CHID1: variants seen among roughly 807,000 people sequenced by gnomAD.
CHID1 encodes chitinase domain-containing protein 1.
Under a neutral mutation model 55.4 loss-of-function variants are expected in CHID1, and 44 were observed. The observed-to-expected ratio is 0.79, with a 90% confidence interval of 0.62 to 1.02. The LOEUF (loss-of-function observed/expected upper bound fraction) is 1.02, where lower values mean the gene tolerates loss of function less well. CHID1 is among the 50% of genes least tolerant of loss of function. CHID1 has a pLI of 0.00. For synonymous variants in CHID1, 216 were observed against 212.9 expected (o/e 1.01, Z -0.13); for missense variants, 491 against 515.3 (o/e 0.95, Z 0.46).
chr11:914,877 G>A, upstream of CHID1: 1 of 317,266 alleles, frequency 3.2e-6, no homozygotes, highest in Admixed American at 4.4e-5. Flanking sequence ...GTCAGCACAG[G>A]CAGGGCCCTT....
intron 8 of CHID1, among the ~76,000 whole-genome samples, chr11:885,705 G>A (rs1439491150): frequency 1.3e-5 from 2 of 152,086 alleles, no homozygotes; most frequent in East Asian, 3.9e-4. Flanking sequence ...CCTCCACCCA[G>A]GTCCTCTCAC....
intron 10 of CHID1, chr11:874,846 T>A (rs1408605918): frequency 1.3e-5 from 2 of 152,210 alleles, no homozygotes; most frequent in African/African-American, 2.4e-5. Flanking sequence ...TGAGCCACCA[T>A]TAGAAAACGA....
chr11:903,351 C>T (rs905752630), intron 2 of CHID1, among the ~76,000 whole-genome samples: 3 of 152,220 alleles, frequency 2.0e-5, no homozygotes, highest in Non-Finnish European at 2.9e-5. Context: ...ACCCTTGCTC[C>T]GGGCTGGAAG....
Position 904,699 on chromosome 11 carries a change from C to A in CHID1, c.111+7G>T. Reference sequence around the variant, plus strand: ...ACAGTCACCTCAAGTCCCCAGGCCACCCTTACCTTCTCCAGCAGCGTCTTT... The same window carrying A: ...ACAGTCACCTCAAGTCCCCAGGCCAACCTTACCTTCTCCAGCAGCGTCTTT... On this transcript the variant is annotated splice_region_variant and intron_variant, in intron 2 of 12. Coordinates refer to ENST00000323578, the MANE Select transcript of CHID1 (RefSeq NM_023947.4). 1.9e-6 allele frequency: 3 copies of A among 1,614,082 alleles called. No individual in the cohort carries two copies. Among genetic ancestry groups the A allele is most frequent in the Non-Finnish European group, 2.5e-6 (3 of 1,179,996 alleles).
intron 7 of CHID1, among the ~76,000 whole-genome samples, chr11:894,124 A>C (rs1279364774): frequency 1.5e-4 from 2 of 13,496 alleles, no homozygotes; most frequent in Admixed American, 4.3e-3. Flanking sequence ...TCTGTCTCAA[A>C]AAAAAAAAAA....
intron 8 of CHID1, 104 bp downstream of exon 8, chr11:893,323 T>G: frequency 2.3e-6 from 2 of 869,974 alleles, no homozygotes; most frequent in Non-Finnish European, 3.6e-6. Context: ...GAGGTTTGGG[T>G]GCTGAGCAGG....
At chr11:895,508 C>T (rs888277275) in intron 7 of CHID1, among the ~76,000 whole-genome samples, 1 of 152,172 alleles carries the variant, frequency 6.6e-6, no homozygotes, top group Admixed American at 6.5e-5. Context: ...ACGACAGACC[C>T]CCTCATACTG....
chr11:904,715 C>T lies in CHID1; in HGVS notation c.102G>A (p.Leu34=). 6.2e-7 allele frequency: 1 copy of T among 1,614,160 alleles called. No individual in the cohort carries two copies. The highest frequency in any genetic ancestry group is 8.5e-7 in the Non-Finnish European group (1 of 1,180,028). Residue 34 remains leucine (L), a synonymous_variant, in exon 2 of 13, where the codon CTG becomes CTA. Transcript: ENST00000323578. ...CCCAGGCCACCCTTACCTTCTCCAG[C>T]AGCGTCTTTGAGGCGGCTTTTTTGG... ...SDAKKAASKT[L]LEKSQFSDKP...
chr11:876,538 A>G (rs1156625752), intron 10 of CHID1, among the ~76,000 whole-genome samples: 4 of 152,122 alleles, frequency 2.6e-5, no homozygotes, highest in Non-Finnish European at 1.5e-5. Flanking sequence ...AGAGCCAGGA[A>G]CCTACCCAGG....
At chr11:883,665 T>A (rs1421714669) in intron 9 of CHID1, among the ~76,000 whole-genome samples, 1 of 151,934 alleles carries the variant, frequency 6.6e-6, no homozygotes, top group Non-Finnish European at 1.5e-5. Flanking sequence ...CAGGCAGGAG[T>A]CCGCATGACA....
chr11:908,761 G>A (rs1024362505), intron 1 of CHID1: 9 of 222,618 alleles, frequency 4.0e-5, no homozygotes, highest in African/African-American at 1.2e-4. Flanking sequence ...CTATAGGGCT[G>A]GGTCTCTGCC....
intron 11 of CHID1, 60 bp from the exon 12 acceptor site, chr11:870,223 A>C: frequency 1.2e-6 from 2 of 1,603,922 alleles, no homozygotes; most frequent in Non-Finnish European, 1.7e-6. Flanking sequence ...TCCTCCCCTC[A>C]CAGCCAAGGT....
At chr11:870,246 C>G in intron 11 of CHID1, 83 bp from the exon 12 acceptor site, 20 of 1,570,088 alleles carry the variant, frequency 1.3e-5, no homozygotes, top group Non-Finnish European at 1.8e-5. Flanking sequence ...ACGGCCTGTA[C>G]TCCTCCCACC....
At chr11:894,930 C>T (rs1011962733) in intron 7 of CHID1, among the ~76,000 whole-genome samples, 3 of 152,204 alleles carry the variant, frequency 2.0e-5, no homozygotes, top group African/African-American at 7.2e-5. Context: ...AACTCTGGCC[C>T]ACATCATCTG....
intron 4 of CHID1, among the ~76,000 whole-genome samples, chr11:901,655 G>A (rs769955212): frequency 2.6e-5 from 4 of 152,200 alleles, no homozygotes; most frequent in Non-Finnish European, 5.9e-5. Flanking sequence ...CTGAGTCATT[G>A]TAGAGCCTGT....
At chr11:899,615 G>A (rs578224377) in intron 6 of CHID1, among the ~76,000 whole-genome samples, 1 of 152,190 alleles carries the variant, frequency 6.6e-6, no homozygotes, top group South Asian at 2.1e-4. Context: ...CAGTGGTCTC[G>A]TGCATTCTGC....
chr11:870,311 A>T, intron 11 of CHID1, 108 bp downstream of exon 11: 1 of 1,346,238 alleles, frequency 7.4e-7, no homozygotes, highest in East Asian at 2.5e-5. Flanking sequence ...GCAGCAAGTG[A>T]GCTCGTGACC....
chr11:877,426 T>C (rs1326965798), intron 10 of CHID1, among the ~76,000 whole-genome samples: 2 of 152,174 alleles, frequency 1.3e-5, no homozygotes, highest in South Asian at 2.1e-4. Context: ...TTTAAACTAT[T>C]TGTAATGATG....
intron 10 of CHID1, among the ~76,000 whole-genome samples, chr11:874,440 G>A (rs1366956808): frequency 6.6e-6 from 1 of 152,182 alleles, no homozygotes; most frequent in African/African-American, 2.4e-5. Context: ...TCCAGACTGG[G>A]CGACAAGAGT....
Sources: allele counts gnomAD v4.1 joint callset (sites outside exome capture counted in the v4.1 genomes callset), GRCh38; gene constraint gnomAD v4.1.1; transcripts MANE v1.5; gene names NCBI Gene and HGNC (gene_info 2026-07-23, HGNC 2026-07-21).